ZSWIM4: variants seen among roughly 807,000 people sequenced by gnomAD.
The protein encoded by ZSWIM4 is zinc finger SWIM domain-containing protein 4.
A neutral mutation model predicts 102.5 loss-of-function variants in ZSWIM4; 62 were observed. The observed-to-expected ratio is 0.60, with a 90% CI of 0.49 to 0.75. ZSWIM4 has a LOEUF of 0.75. Ranked by LOEUF, ZSWIM4 falls within the 30% of genes least tolerant of loss-of-function variation. The pLI, the probability that ZSWIM4 is intolerant of heterozygous loss-of-function variation, is 0.00. For synonymous variants in ZSWIM4, 652 were observed against 674.5 expected, an observed-to-expected ratio of 0.97 and a Z score of 0.52; for missense variants, 1,280 against 1,529.6, an observed-to-expected ratio of 0.84 and a Z score of 2.72.
rs771844427 is a variant in ZSWIM4, at chr19:13,817,812, T to C, written c.1760T>C (p.Val587Ala). ...TCCTACTTGGTGCTGGCGCTGGAGG[T>C]GGCACTGCTGGGGCTGGGGCAGCAG... ...GESYLVLALE[V>A]ALLGLGQQRA... The change falls in exon 9 of 14, where the codon GTG (valine) becomes GCG (alanine). Residue 587 changes from valine (V) to alanine (A), a missense_variant. Val to Ala is a moderately conservative substitution (Grantham distance 64). Coordinates refer to ENST00000590508, the MANE Select transcript of ZSWIM4 (RefSeq NM_001367834.3). 3 of 1,582,470 alleles carry C rather than the reference T, an allele frequency of 1.9e-6. No individual in the cohort carries two copies. The highest frequency in any genetic ancestry group is 2.3e-5 in the South Asian group (2 of 86,472).
In ZSWIM4 at chr19:13,805,162, G is replaced by GAA. The variant is rs762814873; in HGVS notation, c.712+14_712+15insAA. The GAA allele has an allele frequency of 2.3e-5, 36 of 1,588,556 alleles. No homozygotes were observed. The African/African-American group carries it at 3.1e-4, about 14-fold the overall frequency. On this transcript the variant is annotated intron_variant, in intron 3 of 13. Transcript: ENST00000590508. ...ACTTGGTGAATGGTAAGGGCACCCC[G>GAA]GGGGTCCGGTGGGGAGAGGATGCCC... is the stretch of plus-strand genomic sequence containing the variant.
At chr19:13,819,599 T>A (rs576340914) in intron 10 of ZSWIM4, 107 bp downstream of exon 10, 12 of 1,346,054 alleles carry the variant, frequency 8.9e-6, no homozygotes, top group Non-Finnish European at 1.2e-5. Context: ...CACAGCCTAG[T>A]TAATTCAGTC....
At chr19:13,829,039 C>T (rs1051289214) in intron 13 of ZSWIM4, among the ~76,000 whole-genome samples, 3 of 151,166 alleles carry the variant, frequency 2.0e-5, no homozygotes, top group East Asian at 2.0e-4. Context: ...AGGAGGTCAA[C>T]GCTACAGTTA....
chr19:13,829,112 AAAAG>A (rs1235512497), intron 13 of ZSWIM4, among the ~76,000 whole-genome samples: 1 of 150,296 alleles, frequency 6.7e-6, no homozygotes, highest in Admixed American at 6.6e-5. Context: ...TGGGAAAAAA[AAAAG>A]AGAGAGAGAG....
At chr19:13,830,068 A>G (rs1008125714) in intron 13 of ZSWIM4, 123 bp from the exon 14 acceptor site, 4 of 1,258,254 alleles carry the variant, frequency 3.2e-6, no homozygotes, top group Non-Finnish European at 4.4e-6. Context: ...TTGGAAAGGA[A>G]GTTTCTGTTC....
At chr19:13,823,670 G>A (rs1975530644) in intron 11 of ZSWIM4, among the ~76,000 whole-genome samples, 170 bp downstream of exon 11, 1 of 152,206 alleles carries the variant, frequency 6.6e-6, no homozygotes, top group Admixed American at 6.6e-5. Flanking sequence ...GATGTAGCAG[G>A]TGACAAAACT....
At chr19:13,821,236 A>T (rs1190456942) in intron 10 of ZSWIM4, among the ~76,000 whole-genome samples, 3 of 150,592 alleles carry the variant, frequency 2.0e-5, no homozygotes, top group Non-Finnish European at 3.0e-5. Context: ...ATGAGCCCAG[A>T]TCGCACCACT....
chr19:13,795,828 C>A (rs1485214251), intron 1 of ZSWIM4, 27 bp downstream of exon 1: 8 of 1,217,816 alleles, frequency 6.6e-6, no homozygotes, highest in African/African-American at 6.2e-5. Flanking sequence ...GGGGCGGGGG[C>A]AGGGACGCAC....
Position 13,799,818 on chromosome 19 carries a change from G to T in ZSWIM4, c.252G>T (p.Ser84=). ...AACGGGAAATATGTATGTACTCGTC[G>T]CTGGGTTACCCGCCCCCAGAGGGCG... ...RSEREICMYS[S]LGYPPPEGEH... The change falls in exon 2 of 14, where the codon TCG becomes TCT. Residue 84 remains serine (S), a synonymous_variant. Coordinates refer to ENST00000590508, the MANE Select transcript of ZSWIM4 (RefSeq NM_001367834.3). 2 of 1,613,946 alleles carry T rather than the reference G, an allele frequency of 1.2e-6. No homozygotes were observed. Among genetic ancestry groups the T allele is most frequent in the Non-Finnish European group, 1.7e-6 (2 of 1,179,998 alleles).
chr19:13,806,147 A>G (rs986658370), intron 3 of ZSWIM4, among the ~76,000 whole-genome samples: 2 of 151,032 alleles, frequency 1.3e-5, no homozygotes, highest in African/African-American at 4.9e-5. Context: ...GGTTCAAGCA[A>G]TTCTCCTGTC....
Position 13,825,645 on chromosome 19 carries a change from A to T in ZSWIM4, c.2311A>T (p.Thr771Ser), listed in dbSNP as rs1231454668. The change falls in exon 12 of 14, where the codon ACA (threonine) becomes TCA (serine). Residue 771 changes from threonine (T) to serine (S), a missense_variant. Thr to Ser is a moderately conservative substitution (Grantham distance 58). Coordinates refer to ENST00000590508, the MANE Select transcript of ZSWIM4 (RefSeq NM_001367834.3). The surrounding 1 kb of genome is among the most constrained non-coding windows in gnomAD (Gnocchi z 4.6). ...LFKLAQDACK[T>S]ATPVSAPPDT... ...TAAGCTGGCGCAGGACGCCTGCAAG[A>T]CAGCCACCCCGGTCAGCGCCCCACC... 1 of 1,613,852 alleles carries T rather than the reference A, an allele frequency of 6.2e-7. No homozygotes were observed. Among genetic ancestry groups the T allele is most frequent in the East Asian group, 2.2e-5 (1 of 44,876 alleles).
intron 12 of ZSWIM4, among the ~76,000 whole-genome samples, chr19:13,827,635 C>T (rs1193669244): frequency 1.3e-5 from 2 of 151,538 alleles, no homozygotes; most frequent in Non-Finnish European, 1.5e-5. Context: ...AACTGGGGAC[C>T]TTCCCAGCTA....
intron 5 of ZSWIM4, among the ~76,000 whole-genome samples, chr19:13,812,523 G>C (rs1975130847): frequency 6.8e-6 from 1 of 147,852 alleles, no homozygotes. Context: ...GCAGTGGTGT[G>C]ATCTCAGCTC....
At chr19:13,826,658 G>T (rs546714982) in intron 12 of ZSWIM4, among the ~76,000 whole-genome samples, 3 of 152,108 alleles carry the variant, frequency 2.0e-5, no homozygotes, top group Non-Finnish European at 2.9e-5. Flanking sequence ...CCAGCTACTC[G>T]GGAGGTTGAG....
At position 13,825,885 on chromosome 19, in the gene ZSWIM4, G is replaced by A. The variant is rs1022522368; in HGVS notation, c.2379+172G>A. On this transcript the variant is annotated intron_variant, in intron 12 of 13. Coordinates refer to ENST00000590508, the MANE Select transcript of ZSWIM4 (RefSeq NM_001367834.3). The surrounding 1 kb of genome is among the most constrained non-coding windows in gnomAD (Gnocchi z 4.6). ...ACTGAGCGAGAACCACTCTTGGGGCGGGGACTGTGAGTGAGACACACCTCT... is the reference window on the plus strand; with the variant it reads ...ACTGAGCGAGAACCACTCTTGGGGCAGGGACTGTGAGTGAGACACACCTCT... Among the ~76,000 whole-genome samples the A allele has an allele frequency of 3.3e-5, 5 of 152,218 alleles. No homozygotes were observed. The highest frequency in any genetic ancestry group is 1.2e-4 in the African/African-American group (5 of 41,458).
intron 5 of ZSWIM4, 125 bp from the exon 6 acceptor site, chr19:13,812,871 GT>G: frequency 9.6e-7 from 1 of 1,046,102 alleles, no homozygotes; most frequent in Non-Finnish European, 1.4e-6. Flanking sequence ...AAGGCTGCGA[GT>G]TGCAACTTCC....
At chr19:13,800,557 T>G (rs1401531272) in intron 2 of ZSWIM4, among the ~76,000 whole-genome samples, 1 of 141,508 alleles carries the variant, frequency 7.1e-6, no homozygotes, top group Non-Finnish European at 1.6e-5. Flanking sequence ...GAGCCACCGC[T>G]CCCGGCCCCA....
rs775122479 is a variant in ZSWIM4, at chr19:13,825,725, C to T, written c.2379+12C>T. The T allele has an allele frequency of 3.7e-6, 6 of 1,602,004 alleles. No individual in the cohort carries two copies. In the East Asian group the frequency reaches 1.3e-4, roughly 36 times the overall value. On this transcript the variant is annotated intron_variant, in intron 12 of 13. Transcript: ENST00000590508. This position sits in a 1 kb window ranked among gnomAD's most constrained non-coding sequence, Gnocchi z 4.6. ...AGCTGGGGCTGCAGGTGAGGGCTGC[C>T]AGGTGGATGCGGGAGGGCGATGGTG...
rs768767946 is a variant in ZSWIM4, at chr19:13,809,964, TTTTG to T, written c.1012+756_1012+759del. ...GAGCCACTGTACCAAGCTGACATATTTTTGTTTGTTTGTTTTCTTTTCTTTTCTT... is the reference window on the plus strand; with the variant it reads ...GAGCCACTGTACCAAGCTGACATATTTTTGTTTGTTTTCTTTTCTTTTCTT... On this transcript the variant is annotated intron_variant, in intron 5 of 13. Coordinates refer to ENST00000590508, the MANE Select transcript of ZSWIM4 (RefSeq NM_001367834.3). This position sits in a 1 kb window ranked among gnomAD's most constrained non-coding sequence, Gnocchi z 4.2. Among the ~76,000 whole-genome samples the T allele has an allele frequency of 8.6e-5, 13 of 151,300 alleles. No individual in the cohort carries two copies. Among genetic ancestry groups the T allele is most frequent in the Non-Finnish European group, 1.6e-4 (11 of 67,878 alleles).
Sources: allele counts gnomAD v4.1 joint callset (sites outside exome capture counted in the v4.1 genomes callset), GRCh38; gene constraint gnomAD v4.1.1; non-coding constraint Gnocchi (gnomAD v3.1); transcripts MANE v1.5; gene names NCBI Gene and HGNC (gene_info 2026-07-23, HGNC 2026-07-21).